The following SPAG16 variants were observed in gnomAD, a reference collection of about 807,000 sequenced individuals.
SPAG16 encodes sperm associated antigen 16.
Under a neutral mutation model 80.4 loss-of-function variants are expected in SPAG16, and 86 were observed. That is an observed-to-expected ratio of 1.07 (90% CI 0.90 to 1.28). SPAG16 has a LOEUF of 1.28. SPAG16 is among the 50% of genes most tolerant of loss of function. SPAG16 has a pLI of 0.00. For missense variants in SPAG16, 870 were observed against 765.3 expected, an observed-to-expected ratio of 1.14 and a Z score of -1.61; for synonymous variants, 294 against 265.9, an observed-to-expected ratio of 1.11 and a Z score of -1.03.
chr2:213,368,200 A>G (rs377398667), intron 8 of SPAG16, among the ~76,000 whole-genome samples: 2,196 of 150,258 alleles, frequency 0.015, 23 homozygotes, highest in South Asian at 0.038. Flanking sequence ...GCCTTGTAGT[A>G]TAGTTTGAAG....
chr2:213,883,160 T>C (rs1178718079), intron 11 of SPAG16, among the ~76,000 whole-genome samples: 1 of 152,246 alleles, frequency 6.6e-6, no homozygotes, highest in Admixed American at 6.5e-5. Context: ...TAAACTCTCC[T>C]CTTAACAGAC....
At chr2:213,458,068 A>G (rs867431090) in intron 9 of SPAG16, among the ~76,000 whole-genome samples, 1 of 152,130 alleles carries the variant, frequency 6.6e-6, no homozygotes, top group South Asian at 2.1e-4. Context: ...AACTTTATTT[A>G]TTCCCTTTCC....
chr2:214,238,852 A>G (rs538540260), intron 15 of SPAG16: 8 of 152,162 alleles, frequency 5.3e-5, no homozygotes, highest in African/African-American at 1.9e-4. Flanking sequence ...TTTAGGAATA[A>G]AGGATATGTG....
intron 10 of SPAG16, among the ~76,000 whole-genome samples, chr2:213,626,179 A>T (rs1453885923): frequency 6.6e-6 from 1 of 152,168 alleles, no homozygotes; most frequent in Non-Finnish European, 1.5e-5. Flanking sequence ...GTAAAAAGAA[A>T]AATCAGAAAC....
At chr2:214,265,545 G>A (rs1691499930) in intron 15 of SPAG16, among the ~76,000 whole-genome samples, 1 of 151,846 alleles carries the variant, frequency 6.6e-6, no homozygotes, top group African/African-American at 2.4e-5. Context: ...TTTTCTCCCA[G>A]TCTTTAGTTT....
intron 10 of SPAG16, among the ~76,000 whole-genome samples, chr2:213,674,748 T>C (rs1449685625): frequency 6.6e-6 from 1 of 150,490 alleles, no homozygotes; most frequent in African/African-American, 2.5e-5. Flanking sequence ...TATTCCATGG[T>C]GTATATGTGC....
intron 15 of SPAG16, among the ~76,000 whole-genome samples, chr2:214,209,830 T>C (rs554372894): frequency 2.6e-5 from 4 of 152,286 alleles, no homozygotes; most frequent in Admixed American, 2.0e-4. Context: ...ATTGATTAAT[T>C]TGTCACCAAG....
At chr2:213,981,544 A>T (rs1452196057) in intron 12 of SPAG16, among the ~76,000 whole-genome samples, 1 of 152,094 alleles carries the variant, frequency 6.6e-6, no homozygotes, top group African/African-American at 2.4e-5. Context: ...TCAGGTTCAA[A>T]ACGTTTTTAA....
chr2:213,765,197 C>T (rs950686190), intron 10 of SPAG16, among the ~76,000 whole-genome samples: 6 of 152,086 alleles, frequency 3.9e-5, no homozygotes, highest in East Asian at 3.9e-4. Context: ...GGTGAAACCA[C>T]GTCTATACTA....
rs1332878465 is a variant in SPAG16 at position 213,285,902 on chromosome 2, GC to G, written c.136+1286del. The G allele has an allele frequency of 4.7e-6, 6 of 1,289,366 alleles. No homozygotes were observed. In the South Asian group the frequency reaches 4.9e-5, roughly 11 times the overall value. The allele number at this position is 1,289,366 out of a possible 1,614,324, so 79.9% of individuals were successfully genotyped here. On this transcript the variant is annotated intron_variant, in intron 1 of 15. Coordinates refer to ENST00000331683, the MANE Select transcript of SPAG16 (RefSeq NM_024532.5). ...CTTCCTAAGCTTATCTATATCCAGT[GC>G]CCTTGCTACTGAATGGTAACCAGGC...
intron 9 of SPAG16, among the ~76,000 whole-genome samples, chr2:213,486,201 A>T (rs983306248): frequency 2.0e-5 from 3 of 152,090 alleles, no homozygotes; most frequent in African/African-American, 7.2e-5. Context: ...TGTACCCATT[A>T]TTCAACCTCT....
At chr2:213,980,870 C>G (rs1314756193) in intron 12 of SPAG16, among the ~76,000 whole-genome samples, 2 of 151,078 alleles carry the variant, frequency 1.3e-5, no homozygotes, top group South Asian at 2.1e-4. Context: ...GATCACACCA[C>G]TGCACTACAG....
At chr2:213,943,894 A>C (rs1272915792) in intron 12 of SPAG16, among the ~76,000 whole-genome samples, 1 of 152,240 alleles carries the variant, frequency 6.6e-6, no homozygotes. Context: ...AATACACCAC[A>C]GAAATACTGG....
chr2:213,836,990 T>G (rs1039622983), intron 10 of SPAG16, among the ~76,000 whole-genome samples: 10 of 152,226 alleles, frequency 6.6e-5, no homozygotes, highest in Admixed American at 6.5e-4. Flanking sequence ...AAAACAAACA[T>G]GCATTGTTTC....
intron 10 of SPAG16, among the ~76,000 whole-genome samples, chr2:213,540,029 A>ATTTTTTTTTTTTT (rs58117443): frequency 4.5e-5 from 5 of 110,814 alleles, no homozygotes; most frequent in Non-Finnish European, 9.1e-5. Context: ...ATATTTCTTA[A>ATTTTTTTTTTTTT]TTTTTTTTTT....
intron 10 of SPAG16, among the ~76,000 whole-genome samples, chr2:213,555,885 T>C (rs1230057709): frequency 6.6e-6 from 1 of 152,146 alleles, no homozygotes; most frequent in Non-Finnish European, 1.5e-5. Flanking sequence ...AAAATAATAA[T>C]AGCTAAAATA....
At chr2:214,142,617 G>A (rs1057478144) in intron 14 of SPAG16, among the ~76,000 whole-genome samples, 6 of 152,070 alleles carry the variant, frequency 3.9e-5, no homozygotes, top group African/African-American at 9.7e-5. Flanking sequence ...TAGGCTTTAC[G>A]TTTAATGTAG....
At chr2:213,307,793 G>A (rs540121449) in intron 3 of SPAG16, among the ~76,000 whole-genome samples, 60 of 152,120 alleles carry the variant, frequency 3.9e-4, no homozygotes, top group African/African-American at 1.4e-3. Context: ...GTAGTTTACA[G>A]TCCCACCAAC....
At chr2:213,562,234 T>C (rs978147378) in intron 10 of SPAG16, among the ~76,000 whole-genome samples, 1 of 152,224 alleles carries the variant, frequency 6.6e-6, no homozygotes, top group Non-Finnish European at 1.5e-5. Flanking sequence ...AGAAAGTTCA[T>C]GTGTTTCTAG....
Sources: allele counts gnomAD v4.1 joint callset (sites outside exome capture counted in the v4.1 genomes callset), GRCh38; gene constraint gnomAD v4.1.1; transcripts MANE v1.5; gene names NCBI Gene and HGNC (gene_info 2026-07-23, HGNC 2026-07-21).